The following ADCY2 variants were observed in gnomAD, a reference collection of about 807,000 sequenced individuals.
ADCY2 encodes adenylate cyclase type 2.
ADCY2 carries 31 observed loss-of-function variants against 125.2 expected under a neutral mutation model. The ratio of observed to expected loss-of-function variants is 0.25; its 90% confidence interval spans 0.19 to 0.33. The LOEUF (loss-of-function observed/expected upper bound fraction) is 0.33. Ranked by LOEUF, ADCY2 falls within the 10% of genes least tolerant of loss-of-function variation. ADCY2 has a pLI of 1.00. For missense variants in ADCY2, 904 were observed against 1,418.2 expected, an observed-to-expected ratio of 0.64 and a Z score of 5.82; for synonymous variants, 512 against 548.4, an observed-to-expected ratio of 0.93 and a Z score of 0.93.
chr5:7,556,788 C>T (rs949421149), intron 3 of ADCY2, among the ~76,000 whole-genome samples: 1 of 152,092 alleles, frequency 6.6e-6, no homozygotes, highest in Non-Finnish European at 1.5e-5. Flanking sequence ...ACTGCACGTG[C>T]AAGGGATCTA....
chr5:7,530,458 C>T (rs191535475), intron 3 of ADCY2, among the ~76,000 whole-genome samples: 1 of 152,218 alleles, frequency 6.6e-6, no homozygotes, highest in East Asian at 1.9e-4. Flanking sequence ...TAGCTCACTG[C>T]AGTCTTGAAC....
In ADCY2 at chr5:7,819,655, G is replaced by A. The variant is rs567629264; in HGVS notation, c.2999-910G>A. Among the ~76,000 whole-genome samples, 9 of 152,226 alleles carry A rather than the reference G, an allele frequency of 5.9e-5. No homozygotes were observed. The South Asian group carries it at 1.2e-3, about 21-fold the overall frequency. On this transcript the variant is annotated intron_variant, in intron 23 of 24. Coordinates refer to ENST00000338316, the MANE Select transcript of ADCY2 (RefSeq NM_020546.3). ...TGGCCTTTGATTCTCCCTTTCCCCC[G>A]ACCCTCTGTCTCTCCCAGGAGGGGA...
chr5:7,732,364 A>G (rs1742128844), intron 14 of ADCY2, among the ~76,000 whole-genome samples: 1 of 152,160 alleles, frequency 6.6e-6, no homozygotes, highest in South Asian at 2.1e-4. Context: ...CCCTGACTTT[A>G]TTCAAGAGTT....
intron 4 of ADCY2, 22 bp from the exon 5 acceptor site, chr5:7,690,669 C>A: frequency 6.6e-7 from 1 of 1,523,580 alleles, no homozygotes; most frequent in South Asian, 1.3e-5. Context: ...GACATTTGTT[C>A]CTCCTTCCCC....
intron 3 of ADCY2, among the ~76,000 whole-genome samples, chr5:7,581,785 C>T (rs1736441359): frequency 7.0e-6 from 1 of 142,832 alleles, no homozygotes; most frequent in Non-Finnish European, 1.5e-5. Context: ...TGTGCCACTG[C>T]ACTCCAGGCT....
intron 22 of ADCY2, among the ~76,000 whole-genome samples, chr5:7,813,936 C>T (rs1745020530): frequency 6.6e-6 from 1 of 151,990 alleles, no homozygotes. Context: ...GTTGATTTAA[C>T]AGCTTGTGCC....
At position 7,779,892 on chromosome 5, in the gene ADCY2, T is replaced by G. The variant is rs985277198; in HGVS notation, c.2385-4473T>G. Among the ~76,000 whole-genome samples, 5 of 152,180 alleles carry G rather than the reference T, an allele frequency of 3.3e-5. No homozygotes were observed. In the South Asian group the frequency reaches 1.0e-3, roughly 31 times the overall value. ...CCAACACAGTCATTTGTCCACTCAT[T>G]TATTCATTTTCACAACACACTTCTA... On this transcript the variant is annotated intron_variant, in intron 18 of 24. Coordinates refer to ENST00000338316, the MANE Select transcript of ADCY2 (RefSeq NM_020546.3).
chr5:7,752,933 C>T (rs181528944), intron 15 of ADCY2, among the ~76,000 whole-genome samples: 48 of 127,676 alleles, frequency 3.8e-4, no homozygotes, highest in African/African-American at 1.4e-3. Flanking sequence ...CAGTCTTGCT[C>T]TGTCACTCAG....
chr5:7,702,150 G>C (rs1430879051), intron 7 of ADCY2, among the ~76,000 whole-genome samples: 1 of 151,946 alleles, frequency 6.6e-6, no homozygotes, highest in Non-Finnish European at 1.5e-5. Context: ...CCAGAGCTTT[G>C]GGAGGCCGAG....
Position 7,802,119 on chromosome 5 carries a change from T to A in ADCY2, c.2629-99T>A. The A allele has an allele frequency of 7.1e-7, 1 of 1,400,570 alleles. No individual in the cohort carries two copies. Among genetic ancestry groups the A allele is most frequent in the Non-Finnish European group, 9.7e-7 (1 of 1,026,168 alleles). The allele number at this position is 1,400,570 out of a possible 1,614,324, so 86.8% of individuals were successfully genotyped here. The stretch of plus-strand genomic sequence containing the variant: ...AAGTGGAGTAGGCATTTGGGCGATG[T>A]CTGTGTGAATCCTGGCATAAACAAG... On this transcript the variant is annotated intron_variant, in intron 20 of 24. Coordinates refer to ENST00000338316, the MANE Select transcript of ADCY2 (RefSeq NM_020546.3). The surrounding 1 kb of genome is among the most constrained non-coding windows in gnomAD (Gnocchi z 4.6).
intron 4 of ADCY2, among the ~76,000 whole-genome samples, chr5:7,684,150 G>A (rs1375948797): frequency 6.6e-6 from 1 of 152,210 alleles, no homozygotes; most frequent in Non-Finnish European, 1.5e-5. Context: ...GGAGCATTTT[G>A]CTTTTTCACT....
At chr5:7,761,233 T>C (rs1406912344) in intron 16 of ADCY2, among the ~76,000 whole-genome samples, 1 of 130,356 alleles carries the variant, frequency 7.7e-6, no homozygotes, top group East Asian at 2.7e-4. Context: ...CACTGCAACC[T>C]CTGCTTCCCA....
intron 12 of ADCY2, among the ~76,000 whole-genome samples, chr5:7,721,175 G>A (rs373358660): frequency 6.6e-6 from 1 of 152,150 alleles, no homozygotes; most frequent in Non-Finnish European, 1.5e-5. Flanking sequence ...TCATGTGTCT[G>A]TTGGCTGCAT....
At chr5:7,748,433 G>A (rs1276029446) in intron 15 of ADCY2, among the ~76,000 whole-genome samples, 1 of 152,060 alleles carries the variant, frequency 6.6e-6, no homozygotes, top group Non-Finnish European at 1.5e-5. Context: ...TTCTGTGGAT[G>A]AGGGACCAAG....
chr5:7,410,654 AT>A lies in ADCY2; in HGVS notation c.211-3914del, dbSNP rs1739672652. 2.0e-5 allele frequency among the ~76,000 whole-genome samples: 3 copies of A among 152,300 alleles called. No homozygotes were observed. In the South Asian group the frequency reaches 6.2e-4, roughly 32 times the overall value. On this transcript the variant is annotated intron_variant, in intron 1 of 24. Transcript: ENST00000338316. ...AATTTTATTTTACCTTGTTAAAGCC[AT>A]TTTTAAAAAGACATTTTAGTATATT...
intron 3 of ADCY2, among the ~76,000 whole-genome samples, chr5:7,586,604 G>A (rs192780598): frequency 4.6e-5 from 7 of 152,072 alleles, no homozygotes; most frequent in Admixed American, 6.6e-5. Context: ...CTAATGAGCC[G>A]CTGACAGGAG....
chr5:7,765,939 G>C (rs997326386), intron 16 of ADCY2, among the ~76,000 whole-genome samples: 1 of 149,928 alleles, frequency 6.7e-6, no homozygotes, highest in Non-Finnish European at 1.5e-5. Flanking sequence ...GCGAGCGAGC[G>C]AGAGAGAGAG....
intron 4 of ADCY2, among the ~76,000 whole-genome samples, chr5:7,635,724 A>G (rs1738476966): frequency 6.6e-6 from 1 of 152,224 alleles, no homozygotes; most frequent in Non-Finnish European, 1.5e-5. Flanking sequence ...AAAGATAAAA[A>G]GGGTCCAGGA....
At chr5:7,822,958 C>T (rs539993024) in intron 24 of ADCY2, among the ~76,000 whole-genome samples, 9 of 152,316 alleles carry the variant, frequency 5.9e-5, no homozygotes, top group African/African-American at 2.2e-4. Context: ...ATGCGAATAG[C>T]CTTGCCTCCT....
Sources: allele counts gnomAD v4.1 joint callset (sites outside exome capture counted in the v4.1 genomes callset), GRCh38; gene constraint gnomAD v4.1.1; non-coding constraint Gnocchi (gnomAD v3.1); transcripts MANE v1.5; gene names NCBI Gene and HGNC (gene_info 2026-07-23, HGNC 2026-07-21).